GABBR2: variants seen among roughly 807,000 people sequenced by gnomAD.
The protein encoded by GABBR2 is G-protein coupled receptor 51.
GABBR2 carries 23 observed loss-of-function variants against 105.6 expected under a neutral mutation model. The observed-to-expected ratio is 0.22, with a 90% CI of 0.16 to 0.31. The LOEUF (loss-of-function observed/expected upper bound fraction) is 0.31. GABBR2 is among the 10% of genes least tolerant of loss of function. The pLI is 1.00. For synonymous variants in GABBR2, 478 were observed against 499.7 expected, an observed-to-expected ratio of 0.96 and a Z score of 0.58; for missense variants, 734 against 1,245.5, an observed-to-expected ratio of 0.59 and a Z score of 6.18.
In GABBR2 at chr9:98,422,496, CTGTGTGTG is replaced by C. The variant is rs370880704; in HGVS notation, c.1237-16363_1237-16356del. 2.9e-3 allele frequency among the ~76,000 whole-genome samples: 423 copies of C among 146,470 alleles called. 2 individuals carry two copies. Among genetic ancestry groups the C allele is most frequent in the African/African-American group, 9.5e-3 (377 of 39,636 alleles). On this transcript the variant is annotated intron_variant, in intron 7 of 18. Transcript: ENST00000259455. ...ACATTTAGAAGGCTGCTTAATGCACCTGTGTGTGTGTGTGTGTGTGTGTGTCTGTGTGT... is the reference window on the plus strand; with the variant it reads ...ACATTTAGAAGGCTGCTTAATGCACCTGTGTGTGTGTGTGTGTCTGTGTGT...
chr9:98,307,855 T>C (rs1354674140), intron 14 of GABBR2, among the ~76,000 whole-genome samples: 1 of 152,220 alleles, frequency 6.6e-6, no homozygotes, highest in Non-Finnish European at 1.5e-5. Flanking sequence ...CAAGCATGAT[T>C]GTTTTCCTCT....
chr9:98,676,829 C>T (rs1468682570), intron 1 of GABBR2, among the ~76,000 whole-genome samples: 1 of 152,206 alleles, frequency 6.6e-6, no homozygotes, highest in Non-Finnish European at 1.5e-5. Context: ...CTCTTTTTTA[C>T]AGCAGCTTAC....
intron 1 of GABBR2, among the ~76,000 whole-genome samples, chr9:98,619,067 G>C (rs570343528): frequency 2.6e-5 from 4 of 152,130 alleles, no homozygotes; most frequent in Non-Finnish European, 5.9e-5. Context: ...CCTGTAATGA[G>C]CATACATATA....
intron 1 of GABBR2, among the ~76,000 whole-genome samples, chr9:98,664,351 G>T (rs1284591458): frequency 6.6e-6 from 1 of 152,214 alleles, no homozygotes; most frequent in African/African-American, 2.4e-5. Flanking sequence ...GATCCTGGTG[G>T]ATGACAGTGG....
intron 1 of GABBR2, among the ~76,000 whole-genome samples, chr9:98,593,312 C>T (rs1829173550): frequency 6.6e-6 from 1 of 152,216 alleles, no homozygotes; most frequent in Non-Finnish European, 1.5e-5. Context: ...CTGATCATGA[C>T]ATCGCCAGAG....
intron 1 of GABBR2, among the ~76,000 whole-genome samples, chr9:98,646,865 C>A (rs990306273): frequency 6.6e-6 from 1 of 152,138 alleles, no homozygotes; most frequent in African/African-American, 2.4e-5. Context: ...CAAAAGTAGG[C>A]CTTCAGTGAT....
Position 98,514,137 on chromosome 9 carries a change from A to G in GABBR2, c.631-17623T>C, listed in dbSNP as rs1372470775. On this transcript the variant is annotated intron_variant, in intron 3 of 18. Transcript: ENST00000259455. Reference sequence around the variant, plus strand: ...GATGAAATTGGAAATCATCATTCTCAGTAAACTATCGCAAGAACAAAAAAC... The same window carrying G: ...GATGAAATTGGAAATCATCATTCTCGGTAAACTATCGCAAGAACAAAAAAC... Among the ~76,000 whole-genome samples, 2 of 134,506 alleles carry G rather than the reference A, an allele frequency of 1.5e-5. 1 individual carries two copies. The highest frequency in any genetic ancestry group is 3.4e-5 in the Non-Finnish European group (2 of 58,646). The allele number at this position is 134,506 out of a possible 152,430, so 88.2% of individuals were successfully genotyped here.
At chr9:98,569,993 G>A (rs1038837485) in intron 2 of GABBR2, among the ~76,000 whole-genome samples, 2 of 152,214 alleles carry the variant, frequency 1.3e-5, no homozygotes, top group African/African-American at 4.8e-5. Flanking sequence ...GCCTGATTTG[G>A]GGGTTCTCAC....
intron 8 of GABBR2, among the ~76,000 whole-genome samples, chr9:98,399,213 G>A (rs1333368857): frequency 6.6e-6 from 1 of 151,984 alleles, no homozygotes; most frequent in Non-Finnish European, 1.5e-5. Context: ...AATTAGCCAG[G>A]CACGGTGGCA....
At chr9:98,391,633 A>C (rs1252435203) in intron 9 of GABBR2, among the ~76,000 whole-genome samples, 4 of 152,208 alleles carry the variant, frequency 2.6e-5, no homozygotes, top group Non-Finnish European at 5.9e-5. Flanking sequence ...GAAGATGAGA[A>C]GGAAAGAGCA....
chr9:98,317,569 G>A (rs1420986929), intron 13 of GABBR2, among the ~76,000 whole-genome samples: 1 of 152,188 alleles, frequency 6.6e-6, no homozygotes, highest in African/African-American at 2.4e-5. Flanking sequence ...TTTGTGAAGG[G>A]AGCCCATGGG....
chr9:98,622,297 T>TG (rs61263253), intron 1 of GABBR2, among the ~76,000 whole-genome samples: 3,212 of 152,242 alleles, frequency 0.021, 95 homozygotes, highest in African/African-American at 0.073. Context: ...CCTGATTAGC[T>TG]GGGACTATAG....
At chr9:98,517,930 G>C (rs1735272095) in intron 3 of GABBR2, among the ~76,000 whole-genome samples, 1 of 151,970 alleles carries the variant, frequency 6.6e-6, no homozygotes, top group Admixed American at 6.6e-5. Context: ...GCAGGAGTCA[G>C]AGGACCAGTG....
At chr9:98,584,340 A>G (rs542843798) in intron 1 of GABBR2, among the ~76,000 whole-genome samples, 38 of 152,240 alleles carry the variant, frequency 2.5e-4, no homozygotes, top group African/African-American at 7.7e-4. Flanking sequence ...TGCTCAATAA[A>G]TGCTGCCTTC....
At chr9:98,341,769 G>C (rs1831217915) in intron 13 of GABBR2, among the ~76,000 whole-genome samples, 1 of 152,198 alleles carries the variant, frequency 6.6e-6, no homozygotes, top group Non-Finnish European at 1.5e-5. Context: ...AGTAGATGCT[G>C]AATCATGCTT....
At position 98,578,055 on chromosome 9, in the gene GABBR2, C is replaced by A. The variant is rs766579887; in HGVS notation, c.339G>T (p.Gly113=). ...TTATTGCATCGTAGAAGGCTTTCAA[C>A]CCTTTTGCGTTGTCGCACTGGGAAG... The part of the protein sequence containing the change: ...LYDTECDNAK[G]LKAFYDAIKY... Residue 113 remains glycine, a synonymous_variant, in exon 2 of 19, where the codon GGG becomes GGT. Transcript: ENST00000259455. 6.1e-5 allele frequency: 99 copies of A among 1,613,744 alleles called. No homozygotes were observed. Among genetic ancestry groups the A allele is most frequent in the Admixed American group, 1.2e-4 (7 of 59,938 alleles).
chr9:98,328,861 GGT>G (rs1830972951), intron 13 of GABBR2, among the ~76,000 whole-genome samples: 1 of 152,166 alleles, frequency 6.6e-6, no homozygotes, highest in Non-Finnish European at 1.5e-5. Flanking sequence ...CAGGGGGTAT[GGT>G]GGGTAGCAAG....
At chr9:98,424,731 A>G (rs1744401273) in intron 7 of GABBR2, among the ~76,000 whole-genome samples, 1 of 152,044 alleles carries the variant, frequency 6.6e-6, no homozygotes, top group African/African-American at 2.4e-5. Context: ...TCCCATTCAC[A>G]ATTGCTTCAA....
intron 10 of GABBR2, among the ~76,000 whole-genome samples, chr9:98,387,046 G>C (rs997729567): frequency 2.6e-5 from 4 of 152,128 alleles, no homozygotes; most frequent in Non-Finnish European, 5.9e-5. Flanking sequence ...CTACTTAGGT[G>C]CCTCAATTCT....
Sources: allele counts gnomAD v4.1 joint callset (sites outside exome capture counted in the v4.1 genomes callset), GRCh38; gene constraint gnomAD v4.1.1; transcripts MANE v1.5; gene names NCBI Gene and HGNC (gene_info 2026-07-23, HGNC 2026-07-21).